The following NINJ2 variants were observed in gnomAD, a reference collection of about 807,000 sequenced individuals.
NINJ2 encodes ninjurin-2.
Under a neutral mutation model 11.7 loss-of-function variants are expected in NINJ2, and 12 were observed. That is an observed-to-expected ratio of 1.02 (90% CI 0.66 to 1.66). The LOEUF (loss-of-function observed/expected upper bound fraction) is 1.66. Among genes scored for constraint, NINJ2 ranks in the 40% most tolerant of loss-of-function variants. The pLI is 0.00. For missense variants in NINJ2, 187 were observed against 181.8 expected, an observed-to-expected ratio of 1.03 and a Z score of -0.16; for synonymous variants, 93 against 76.8, an observed-to-expected ratio of 1.21 and a Z score of -1.10.
chr12:630,738 T>G (rs1322925840), intron 1 of NINJ2, among the ~76,000 whole-genome samples: 1 of 152,174 alleles, frequency 6.6e-6, no homozygotes, highest in African/African-American at 2.4e-5. Flanking sequence ...TCTGGCCCCA[T>G]TCAGCTTCCT....
At chr12:631,640 C>T (rs539837015) in intron 1 of NINJ2, among the ~76,000 whole-genome samples, 3 of 152,178 alleles carry the variant, frequency 2.0e-5, no homozygotes, top group Non-Finnish European at 4.4e-5. Flanking sequence ...GGATTACAGG[C>T]GTGAGCCACC....
At chr12:636,717 A>G (rs1050136956) in intron 1 of NINJ2, among the ~76,000 whole-genome samples, 4 of 152,206 alleles carry the variant, frequency 2.6e-5, no homozygotes, top group African/African-American at 4.8e-5. Context: ...TTTGAAAAAA[A>G]TGAAAGAAGA....
chr12:624,850 T>C (rs1019132454), intron 1 of NINJ2, among the ~76,000 whole-genome samples: 2 of 149,322 alleles, frequency 1.3e-5, no homozygotes, highest in African/African-American at 2.5e-5. Flanking sequence ...GGCTCACGCC[T>C]GTAATCCCAG....
chr12:656,760 A>AC (rs1937878930), intron 1 of NINJ2, among the ~76,000 whole-genome samples: 1 of 152,100 alleles, frequency 6.6e-6, no homozygotes, highest in Admixed American at 6.6e-5. Context: ...AAAAAAAAAA[A>AC]AAATTACTGT....
rs565659989 is a variant in NINJ2 at position 640,918 on chromosome 12, C to G, written c.33+22410G>C. ...TGTGGCTCCAATGTTACAGACCACT[C>G]CTAACTTCAGTCCCGGAAGAATGGA... is the stretch of plus-strand genomic sequence containing the variant. On this transcript the variant is annotated intron_variant, in intron 1 of 3. Transcript: ENST00000305108. The surrounding 1 kb of genome is among the most constrained non-coding windows in gnomAD (Gnocchi z 4.0). The G allele has an allele frequency of 3.9e-5, 6 of 152,408 alleles. No homozygotes were observed. The highest frequency in any genetic ancestry group is 1.4e-4 in the African/African-American group (6 of 41,528). The allele number at this position is 152,408 out of a possible 1,614,324, so 9.4% of individuals were successfully genotyped here.
chr12:624,201 C>A (rs1366675511), intron 1 of NINJ2, among the ~76,000 whole-genome samples: 2 of 152,158 alleles, frequency 1.3e-5, no homozygotes, highest in Admixed American at 1.3e-4. Flanking sequence ...GGGTTCAATC[C>A]TATCTGAGCT....
intron 1 of NINJ2, among the ~76,000 whole-genome samples, chr12:588,798 C>T (rs1033468698): frequency 6.6e-5 from 10 of 152,218 alleles, no homozygotes; most frequent in East Asian, 1.9e-4. Context: ...CCTGAAGAAA[C>T]ATCACAAATC....
At chr12:616,027 T>C (rs1030348547) in intron 1 of NINJ2, among the ~76,000 whole-genome samples, 4 of 152,158 alleles carry the variant, frequency 2.6e-5, no homozygotes, top group Non-Finnish European at 5.9e-5. Flanking sequence ...GCCAGAGGTA[T>C]AGTAGTTAGA....
chr12:660,365 T>C (rs1036284643), intron 1 of NINJ2, among the ~76,000 whole-genome samples: 3 of 149,244 alleles, frequency 2.0e-5, no homozygotes, highest in Non-Finnish European at 3.0e-5. Flanking sequence ...CTTTTCTTTT[T>C]TTTTTTTTTG....
At chr12:618,352 T>G (rs922712269) in intron 1 of NINJ2, among the ~76,000 whole-genome samples, 5 of 24,314 alleles carry the variant, frequency 2.1e-4, no homozygotes, top group African/African-American at 5.3e-4. Context: ...AAGGTGGGGG[T>G]GAGGAGTTGG....
chr12:631,306 G>A (rs1260662254), intron 1 of NINJ2, among the ~76,000 whole-genome samples: 1 of 152,104 alleles, frequency 6.6e-6, no homozygotes, highest in Non-Finnish European at 1.5e-5. Flanking sequence ...ACATGCGTGG[G>A]CATCTGCGAA....
At chr12:601,732 G>T (rs918755703) in intron 1 of NINJ2, among the ~76,000 whole-genome samples, 3 of 151,940 alleles carry the variant, frequency 2.0e-5, no homozygotes, top group African/African-American at 7.3e-5. Flanking sequence ...TGGGTGTGGT[G>T]GCGGGTGCCT....
At chr12:597,665 A>G (rs1249743697) in intron 1 of NINJ2, among the ~76,000 whole-genome samples, 1 of 152,260 alleles carries the variant, frequency 6.6e-6, no homozygotes, top group Non-Finnish European at 1.5e-5. Flanking sequence ...GCCAAGTGAA[A>G]TTTCCACTTC....
chr12:614,455 A>G lies in NINJ2; in HGVS notation c.34-48277T>C, dbSNP rs2120356685. On this transcript the variant is annotated intron_variant, in intron 1 of 3. Transcript: ENST00000305108. The surrounding 1 kb of genome is among the most constrained non-coding windows in gnomAD (Gnocchi z 5.1). ...TGCGTGAGCTTCATGCCCAGGGGAC[A>G]TGGTGGGGTGGGGGTGGCGGTGTGC... 6.6e-6 allele frequency among the ~76,000 whole-genome samples: 1 copy of G among 150,952 alleles called. No individual in the cohort carries two copies.
At chr12:627,839 G>A (rs193031295) in intron 1 of NINJ2, among the ~76,000 whole-genome samples, 51 of 152,334 alleles carry the variant, frequency 3.3e-4, no homozygotes, top group African/African-American at 8.9e-4. Context: ...AGCTACTTGC[G>A]TGCCTGAGGC....
intron 1 of NINJ2, among the ~76,000 whole-genome samples, chr12:606,941 G>A (rs1452306523): frequency 6.6e-6 from 1 of 152,178 alleles, no homozygotes; most frequent in Non-Finnish European, 1.5e-5. Flanking sequence ...AAGCAGTCAG[G>A]AGACCAAGAG....
At chr12:609,017 C>T (rs1017463546) in intron 1 of NINJ2, among the ~76,000 whole-genome samples, 5 of 151,476 alleles carry the variant, frequency 3.3e-5, no homozygotes, top group Non-Finnish European at 5.9e-5. Flanking sequence ...CACGGCGCCA[C>T]GCTAGGGGCT....
Position 566,132 on chromosome 12 carries a change from T to TAATG in NINJ2, c.76_79dup (p.Tyr27SerfsTer69). Reference sequence around the variant, plus strand: ...CTCCGCCACGCTCTTCTTGGTGGCGTAATGGTTCAGGTTGATGGGCTGGCT... The same window carrying TAATG: ...CTCCGCCACGCTCTTCTTGGTGGCGTAATGAATGGTTCAGGTTGATGGGCTGGCT... On this transcript the variant is annotated frameshift_variant, in exon 2 of 4. Coordinates refer to ENST00000305108, the MANE Select transcript of NINJ2 (RefSeq NM_016533.6). LOFTEE classifies it high-confidence loss of function. 3.7e-6 allele frequency: 6 copies of TAATG among 1,613,954 alleles called. No homozygotes were observed. The highest frequency in any genetic ancestry group is 5.1e-6 in the Non-Finnish European group (6 of 1,179,958).
intron 1 of NINJ2, among the ~76,000 whole-genome samples, chr12:592,116 T>C (rs1315431451): frequency 5.3e-5 from 8 of 152,310 alleles, no homozygotes; most frequent in African/African-American, 1.9e-4. Flanking sequence ...GGGTCAAGTC[T>C]GGCTTTACTG....
Sources: allele counts gnomAD v4.1 joint callset (sites outside exome capture counted in the v4.1 genomes callset), GRCh38; gene constraint gnomAD v4.1.1; non-coding constraint Gnocchi (gnomAD v3.1); transcripts MANE v1.5; gene names NCBI Gene and HGNC (gene_info 2026-07-23, HGNC 2026-07-21).